The following FUT8 variants were observed in gnomAD, a reference collection of about 807,000 sequenced individuals.
FUT8 encodes the protein alpha-(1,6)-fucosyltransferase.
FUT8 carries 29 observed loss-of-function variants against 71.3 expected under a neutral mutation model. That is an observed-to-expected ratio of 0.41 (90% CI 0.30 to 0.55). The LOEUF (loss-of-function observed/expected upper bound fraction) is 0.55. Among genes scored for constraint, FUT8 ranks in the 20% least tolerant of loss-of-function variants. FUT8 has a pLI of 0.34. For synonymous variants in FUT8, 254 were observed against 239.3 expected (o/e 1.06, Z -0.57); for missense variants, 544 against 702.1 (o/e 0.77, Z 2.55).
intron 6 of FUT8, among the ~76,000 whole-genome samples, chr14:65,649,965 C>G (rs553067013): frequency 7.2e-4 from 110 of 152,232 alleles, no homozygotes; most frequent in African/African-American, 2.6e-3. Flanking sequence ...GTAAACACAT[C>G]ATACACTATA....
At chr14:65,417,890 A>C (rs151303799) in intron 1 of FUT8, among the ~76,000 whole-genome samples, 62 of 152,336 alleles carry the variant, frequency 4.1e-4, no homozygotes, top group African/African-American at 1.4e-3. Context: ...GTTGTATTTT[A>C]TAACTTGGGT....
intron 7 of FUT8, among the ~76,000 whole-genome samples, chr14:65,710,949 G>T (rs1894785136): frequency 6.6e-6 from 1 of 152,124 alleles, no homozygotes; most frequent in Admixed American, 6.5e-5. Flanking sequence ...TGAGGAAGAT[G>T]CTGGGCTCTT....
intron 1 of FUT8, among the ~76,000 whole-genome samples, chr14:65,449,850 G>T (rs1313890766): frequency 6.6e-6 from 1 of 152,206 alleles, no homozygotes; most frequent in African/African-American, 2.4e-5. Flanking sequence ...AGGACCATCA[G>T]TGTTACAAGA....
At chr14:65,678,842 C>G (rs1235920534) in intron 7 of FUT8, among the ~76,000 whole-genome samples, 1 of 152,122 alleles carries the variant, frequency 6.6e-6, no homozygotes, top group Non-Finnish European at 1.5e-5. Flanking sequence ...CAGTGAGGGC[C>G]TTTGACTGAG....
chr14:65,634,576 A>AG (rs1400741137), intron 6 of FUT8, among the ~76,000 whole-genome samples: 16 of 150,538 alleles, frequency 1.1e-4, no homozygotes, highest in South Asian at 6.3e-4. Context: ...AAAAAAAAAA[A>AG]AAAAAGAAAA....
rs142441686 is a variant in FUT8 at position 65,417,110 on chromosome 14, TG to T, written c.-326+3897del. 5.7e-3 allele frequency among the ~76,000 whole-genome samples: 873 copies of T among 152,100 alleles called. 33 individuals carry two copies. In the East Asian group the frequency reaches 0.092, roughly 16 times the overall value. On this transcript the variant is annotated intron_variant, in intron 1 of 10. Transcript: ENST00000673929. ...TCCTTTATTTTATTAAAAAGATTTT[TG>T]TTTGTTTGTTTGTTTCTAAGTTTAA...
intron 5 of FUT8, among the ~76,000 whole-genome samples, chr14:65,628,246 G>T (rs986569315): frequency 1.3e-5 from 2 of 152,172 alleles, no homozygotes; most frequent in Admixed American, 6.5e-5. Context: ...AAGAAGGATG[G>T]TAGTGGGAGA....
intron 6 of FUT8, among the ~76,000 whole-genome samples, chr14:65,639,771 A>G (rs1890742118): frequency 6.6e-6 from 1 of 152,138 alleles, no homozygotes; most frequent in Admixed American, 6.5e-5. Flanking sequence ...TTTCATCTGT[A>G]CTACCAGTGC....
At chr14:65,444,948 G>C (rs2065716463) in intron 1 of FUT8, among the ~76,000 whole-genome samples, 1 of 152,082 alleles carries the variant, frequency 6.6e-6, no homozygotes, top group East Asian at 1.9e-4. Flanking sequence ...GCTCACGCCT[G>C]TAATCCCAGC....
chr14:65,482,912 G>C (rs940423306), intron 2 of FUT8, among the ~76,000 whole-genome samples: 2 of 152,162 alleles, frequency 1.3e-5, no homozygotes, highest in African/African-American at 4.8e-5. Flanking sequence ...AGCTTCTCCA[G>C]TGTCAACCCA....
At chr14:65,466,074 T>C (rs1021387368) in intron 2 of FUT8, among the ~76,000 whole-genome samples, 2 of 152,210 alleles carry the variant, frequency 1.3e-5, no homozygotes, top group Non-Finnish European at 2.9e-5. Context: ...GCTTGCTCTT[T>C]CTGAAATTTT....
chr14:65,512,832 T>C (rs1055942395), intron 2 of FUT8, among the ~76,000 whole-genome samples: 4 of 148,346 alleles, frequency 2.7e-5, no homozygotes, highest in Non-Finnish European at 5.9e-5. Context: ...TGCTTGAACC[T>C]GTGAGGCGGA....
rs149875373 is a variant in FUT8 at position 65,526,661 on chromosome 14, T to G, written c.-227-34676T>G. Among the ~76,000 whole-genome samples the G allele has an allele frequency of 7.8e-3, 1,188 of 152,336 alleles. 38 individuals carry two copies. The highest frequency in any genetic ancestry group is 0.051 in the Admixed American group (776 of 15,292). On this transcript the variant is annotated intron_variant, in intron 2 of 10. Transcript: ENST00000673929. Reference sequence around the variant, plus strand: ...TGATGCAGTTTCTTCCTGGTATCGATGGTCTTTACAATTTGGCATGTTTTT... The same window carrying G: ...TGATGCAGTTTCTTCCTGGTATCGAGGGTCTTTACAATTTGGCATGTTTTT...
chr14:65,446,840 TTTCC>T (rs2065750035), intron 1 of FUT8, among the ~76,000 whole-genome samples: 1 of 151,934 alleles, frequency 6.6e-6, no homozygotes, highest in Admixed American at 6.6e-5. Context: ...TTCCCTTTCC[TTTCC>T]TTACTTTTCA....
chr14:65,689,381 T>A (rs1440326067), intron 7 of FUT8, among the ~76,000 whole-genome samples: 1 of 152,230 alleles, frequency 6.6e-6, no homozygotes, highest in Non-Finnish European at 1.5e-5. Flanking sequence ...TTTTAAGGGT[T>A]CTTTTTATAT....
At chr14:65,736,317 C>T (rs1402918369) in intron 10 of FUT8, among the ~76,000 whole-genome samples, 1 of 151,604 alleles carries the variant, frequency 6.6e-6, no homozygotes, top group African/African-American at 2.4e-5. Flanking sequence ...TAGAGACACT[C>T]TATAGTATTT....
At chr14:65,420,437 C>CA (rs2065276103) in intron 1 of FUT8, among the ~76,000 whole-genome samples, 1 of 152,012 alleles carries the variant, frequency 6.6e-6, no homozygotes, top group Admixed American at 6.6e-5. Flanking sequence ...CTCTATATGA[C>CA]TGTCTACAGA....
At chr14:65,692,753 G>A (rs1893740146) in intron 7 of FUT8, among the ~76,000 whole-genome samples, 1 of 151,464 alleles carries the variant, frequency 6.6e-6, no homozygotes, top group Admixed American at 6.6e-5. Context: ...TCTCAGACGG[G>A]GTGGTTGCCG....
chr14:65,541,568 A>G (rs1695615752), intron 2 of FUT8, among the ~76,000 whole-genome samples: 2 of 152,176 alleles, frequency 1.3e-5, no homozygotes, highest in East Asian at 1.9e-4. Context: ...GTGAGAATTC[A>G]CCCATCCTCA....
Sources: gnomAD v4.1 joint callset for allele counts (sites outside exome capture counted in the v4.1 genomes callset) on GRCh38, gnomAD v4.1.1 for gene constraint, MANE v1.5 for transcripts, NCBI Gene and HGNC (gene_info 2026-07-23, HGNC 2026-07-21) for gene names.